GALNS: variants seen among roughly 807,000 people sequenced by gnomAD.
The protein encoded by GALNS is galactosamine (N-acetyl)-6-sulfatase.
A neutral mutation model predicts 65.9 loss-of-function variants in GALNS; 65 were observed. That is an observed-to-expected ratio of 0.99 (90% CI 0.81 to 1.21). The LOEUF is 1.21. Among genes scored for constraint, GALNS ranks in the 50% most tolerant of loss-of-function variants. The probability of loss-of-function intolerance (pLI) is 0.00; values close to 1 mark genes in which losing one functional copy is unlikely to be tolerated. For missense variants in GALNS, 776 were observed against 700.7 expected (o/e 1.11, Z -1.21); for synonymous variants, 346 against 288.9 (o/e 1.20, Z -2.00).
intron 8 of GALNS, among the ~76,000 whole-genome samples, chr16:88,833,269 C>T (rs1911708895): frequency 6.6e-6 from 1 of 152,080 alleles, no homozygotes; most frequent in African/African-American, 2.4e-5. Context: ...ACGCCAACAC[C>T]CGCAACCCGG....
intron 8 of GALNS, among the ~76,000 whole-genome samples, chr16:88,834,365 C>T (rs1414053685): frequency 6.0e-5 from 7 of 116,990 alleles, no homozygotes; most frequent in East Asian, 5.2e-4. Flanking sequence ...GGCCCCCCCC[C>T]GCGTGGTCTG....
Position 88,856,921 on chromosome 16 carries a change from A to G in GALNS, c.-44T>C. 3.4e-6 allele frequency: 5 copies of G among 1,483,530 alleles called. No homozygotes were observed. The highest frequency in any genetic ancestry group is 4.4e-6 in the Non-Finnish European group (5 of 1,125,288). 91.9% of individuals were successfully genotyped at this position (1,483,530 alleles called of 1,614,324 possible). On this transcript the variant is annotated 5_prime_UTR_variant, in exon 1 of 14. Transcript: ENST00000268695. ...GGAGCCCCGGCCAGCGAGCCGACCT[A>G]GCGAGCGTCCGCCGGCCCTTCCGGC...
chr16:88,851,702 A>G (rs981180804), intron 1 of GALNS, among the ~76,000 whole-genome samples: 4 of 152,108 alleles, frequency 2.6e-5, no homozygotes, highest in Non-Finnish European at 5.9e-5. Context: ...ACACCAGGAG[A>G]TTATATCCCG....
At chr16:88,816,904 C>T (rs1219368204) in intron 13 of GALNS, 1 of 985,348 alleles carries the variant, frequency 1.0e-6, no homozygotes. Flanking sequence ...GCAGCCACGC[C>T]CAGCCCGTGT....
rs1966992597 is a variant in GALNS at position 88,841,929 on chromosome 16, C to A, written c.287G>T (p.Gly96Val). Residue 96 changes from glycine (G) to valine (V), a missense_variant, in exon 3 of 14, where the codon GGC becomes GTC. Physicochemically the swap from Gly to Val is moderately radical, Grantham distance 109. Transcript: ENST00000268695. ...GGCATGGGCGTTGGTGGTGTAGAAG[C>A]CATTGCGGATGGGTAGCCGTCCTGT... ...LLTGRLPIRNGFYTTNAHARN... is the reference protein window; with the variant it reads ...LLTGRLPIRNVFYTTNAHARN... The A allele has an allele frequency of 3.1e-6, 5 of 1,613,670 alleles. No homozygotes were observed. Among genetic ancestry groups the A allele is most frequent in the Non-Finnish European group, 4.2e-6 (5 of 1,179,846 alleles).
intron 9 of GALNS, among the ~76,000 whole-genome samples, chr16:88,829,193 T>G (rs773519159): frequency 6.6e-5 from 10 of 152,152 alleles, no homozygotes; most frequent in Non-Finnish European, 1.3e-4. Flanking sequence ...CTGAGTCTCA[T>G]GCCAACGTCA....
In GALNS at chr16:88,835,531, TGAA is replaced by T. The variant is rs1912029771; in HGVS notation, c.759-182_759-180del. ...CCTCAGTTCAAGTTCATGTGGCTTA[TGAA>T]GGACAGAGCCAGCACCCCCACCACA... On this transcript the variant is annotated intron_variant, in intron 7 of 13. Transcript: ENST00000268695. Among the ~76,000 whole-genome samples the T allele has an allele frequency of 2.6e-5, 4 of 152,296 alleles. No homozygotes were observed. In the South Asian group the frequency reaches 8.3e-4, roughly 32 times the overall value.
intron 6 of GALNS, 69 bp downstream of exon 6, chr16:88,836,132 C>G (rs1912114462): frequency 2.1e-6 from 3 of 1,439,104 alleles, no homozygotes; most frequent in Non-Finnish European, 1.9e-6. Context: ...ACGCCTCCCA[C>G]AGGATGAGGT....
intron 1 of GALNS, chr16:88,855,600 A>G (rs1967787863): frequency 1.5e-6 from 1 of 649,828 alleles, no homozygotes; most frequent in Middle Eastern, 3.4e-4. Context: ...TGGGGAAATT[A>G]TGGGTGGTGT....
rs550139020 is a variant in GALNS, at chr16:88,835,774, C to T, written c.709G>A (p.Ala237Thr). Residue 237 changes from alanine to threonine, a missense_variant, in exon 7 of 14, where the codon GCA becomes ACA. Physicochemically the swap from Ala to Thr is moderately conservative, Grantham distance 58. Coordinates refer to ENST00000268695, the MANE Select transcript of GALNS (RefSeq NM_000512.5). Reference protein sequence around the residue: ...FLYWAVDATHAPVYASKPFLG... With the variant: ...FLYWAVDATHTPVYASKPFLG... ...AAGGGTTTGGAGGCATAGACGGGTG[C>T]GTGCGTGGCGTCGACAGCCCAGTAG... 21 of 1,614,108 alleles carry T rather than the reference C, an allele frequency of 1.3e-5. No homozygotes were observed. Among genetic ancestry groups the T allele is most frequent in the East Asian group, 2.2e-5 (1 of 44,882 alleles).
chr16:88,818,917 C>T (rs925062140), intron 12 of GALNS, among the ~76,000 whole-genome samples: 21 of 152,156 alleles, frequency 1.4e-4, no homozygotes, highest in Admixed American at 3.9e-4. Context: ...CTGGTGGGGA[C>T]GTGGACCGGA....
intron 8 of GALNS, 131 bp from the exon 9 acceptor site, chr16:88,832,232 A>G (rs1911583755): frequency 3.6e-6 from 3 of 831,462 alleles, no homozygotes; most frequent in Admixed American, 4.0e-5. Context: ...GCTGGAGTGC[A>G]TGATCCGAGC....
chr16:88,843,160 A>G (rs1043282209), intron 1 of GALNS: 2 of 1,405,240 alleles, frequency 1.4e-6, no homozygotes, highest in African/African-American at 2.9e-5. Flanking sequence ...TGACACCAGC[A>G]TCTGCATGCT....
In GALNS at chr16:88,835,146, G is replaced by A. The variant is rs564782335; in HGVS notation, c.898+67C>T. On this transcript the variant is annotated intron_variant, in intron 8 of 13. Transcript: ENST00000268695. ...CACCACAGACCCCGTGGGCACAGCC[G>A]GTCCAGGCACTCTTCGCTGACACGC... The A allele has an allele frequency of 6.0e-5, 93 of 1,545,596 alleles. No homozygotes were observed. In the South Asian group the frequency reaches 8.2e-4, roughly 14 times the overall value.
intron 1 of GALNS, among the ~76,000 whole-genome samples, chr16:88,854,394 T>C (rs1183154179): frequency 3.3e-5 from 5 of 152,228 alleles, no homozygotes; most frequent in Non-Finnish European, 4.4e-5. Context: ...GGGGCTCCAC[T>C]GTGAGCTTCT....
chr16:88,852,296 C>G (rs139770775), intron 1 of GALNS, among the ~76,000 whole-genome samples: 2,781 of 152,294 alleles, frequency 0.018, 34 homozygotes, highest in Non-Finnish European at 0.024. Context: ...AGGGACCTGA[C>G]TCTTATAAGG....
At chr16:88,817,590 C>T (rs978521614) in intron 13 of GALNS, among the ~76,000 whole-genome samples, 3 of 152,306 alleles carry the variant, frequency 2.0e-5, no homozygotes, top group South Asian at 2.1e-4. Flanking sequence ...CTTCAGAGCC[C>T]GGGAGTTTGG....
At chr16:88,856,500 T>A (rs1037586490) in intron 1 of GALNS, 9 of 697,866 alleles carry the variant, frequency 1.3e-5, no homozygotes, top group Middle Eastern at 3.1e-4. Flanking sequence ...GCAGCGCGTG[T>A]GGTGATCGGT....
intron 12 of GALNS, 87 bp downstream of exon 12, chr16:88,822,502 G>A (rs1597534568): frequency 6.4e-7 from 1 of 1,554,320 alleles, no homozygotes. Flanking sequence ...CGGGCAGGGT[G>A]CAGAGGGCTC....
Sources: gnomAD v4.1 joint callset for allele counts (sites outside exome capture counted in the v4.1 genomes callset) on GRCh38, gnomAD v4.1.1 for gene constraint, MANE v1.5 for transcripts, NCBI Gene and HGNC (gene_info 2026-07-23, HGNC 2026-07-21) for gene names.